ANGPT1: variants seen among roughly 807,000 people sequenced by gnomAD.
ANGPT1 encodes the protein angiopoietin-1.
ANGPT1 carries 17 observed loss-of-function variants against 62.2 expected under a neutral mutation model. The observed-to-expected ratio is 0.27, with a 90% CI of 0.19 to 0.41. The LOEUF is 0.41. ANGPT1 is among the 10% of genes least tolerant of loss of function. The pLI, the probability that ANGPT1 is intolerant of heterozygous loss-of-function variation, is 1.00. For synonymous variants in ANGPT1, 199 were observed against 198.9 expected (o/e 1.00, Z 0.00); for missense variants, 478 against 594.9 (o/e 0.80, Z 2.04).
chr8:107,467,709 C>T (rs372576400), intron 1 of ANGPT1, among the ~76,000 whole-genome samples: 6 of 152,094 alleles, frequency 3.9e-5, no homozygotes, highest in African/African-American at 1.4e-4. Flanking sequence ...AAATTGACCA[C>T]ACAATGGCAA....
chr8:107,366,019 T>C (rs1312082459), intron 1 of ANGPT1, among the ~76,000 whole-genome samples: 2 of 152,228 alleles, frequency 1.3e-5, no homozygotes, highest in Non-Finnish European at 1.5e-5. Flanking sequence ...TTTATTTCAT[T>C]TGTACAAAAA....
intron 1 of ANGPT1, among the ~76,000 whole-genome samples, chr8:107,409,059 CA>C (rs140983311): frequency 0.14 from 21,705 of 152,138 alleles, 1,798 homozygotes; most frequent in South Asian, 0.2. Flanking sequence ...TGATCATAGA[CA>C]AAGCTTATTT....
Position 107,312,063 on chromosome 8 carries a change from C to CAAAA in ANGPT1, c.809-8700_809-8697dup, listed in dbSNP as rs927603600. Among the ~76,000 whole-genome samples, 7 of 71,084 alleles carry CAAAA rather than the reference C, an allele frequency of 9.8e-5. No individual in the cohort carries two copies. In the South Asian group the frequency reaches 3.1e-3, roughly 32 times the overall value. 46.6% of individuals were successfully genotyped at this position (71,084 alleles called of 152,430 possible). On this transcript the variant is annotated intron_variant, in intron 4 of 8. Transcript: ENST00000517746. ...TGGGCGACAGAGCGAGACTCCGTTT[C>CAAAA]AAAAAAAAAAAAAAAAAAAGAATGG...
intron 1 of ANGPT1, among the ~76,000 whole-genome samples, chr8:107,388,349 A>G (rs1308571221): frequency 6.6e-6 from 1 of 152,134 alleles, no homozygotes; most frequent in African/African-American, 2.4e-5. Flanking sequence ...CAAGAATTTT[A>G]GGTCATAGTG....
At chr8:107,457,856 A>C (rs906182935) in intron 1 of ANGPT1, among the ~76,000 whole-genome samples, 4 of 144,998 alleles carry the variant, frequency 2.8e-5, no homozygotes, top group Non-Finnish European at 5.9e-5. Context: ...ACACACACAC[A>C]CACACACACA....
intron 4 of ANGPT1, among the ~76,000 whole-genome samples, chr8:107,317,790 C>T (rs528985200): frequency 7.2e-4 from 109 of 152,052 alleles, no homozygotes; most frequent in Middle Eastern, 6.8e-3. Flanking sequence ...GCCACCATGC[C>T]CAGCTAATTT....
chr8:107,292,261 C>T (rs1258307770), intron 6 of ANGPT1, among the ~76,000 whole-genome samples: 2 of 152,134 alleles, frequency 1.3e-5, no homozygotes, highest in Non-Finnish European at 2.9e-5. Flanking sequence ...CTAAATTCCT[C>T]CCATCCTGCT....
At chr8:107,271,902 GGT>G (rs1486615725) in intron 7 of ANGPT1, among the ~76,000 whole-genome samples, 1 of 89,450 alleles carries the variant, frequency 1.1e-5, no homozygotes, top group East Asian at 3.1e-4. Flanking sequence ...AATTGATACT[GGT>G]AAAAAAAAAA....
At chr8:107,446,520 A>T (rs1253103527) in intron 1 of ANGPT1, among the ~76,000 whole-genome samples, 1 of 152,144 alleles carries the variant, frequency 6.6e-6, no homozygotes. Flanking sequence ...TTGACATTGG[A>T]ATTTGGCCTA....
chr8:107,478,851 A>G (rs1413521557), intron 1 of ANGPT1, among the ~76,000 whole-genome samples: 2 of 152,136 alleles, frequency 1.3e-5, no homozygotes, highest in Non-Finnish European at 1.5e-5. Flanking sequence ...GAAATAAAAT[A>G]ATATCCTAAA....
rs539402208 is a variant in ANGPT1, at chr8:107,432,618, C to T, written c.297+64644G>A. 1.4e-3 allele frequency among the ~76,000 whole-genome samples: 202 copies of T among 148,630 alleles called. 1 individual carries two copies. The highest frequency in any genetic ancestry group is 4.8e-3 in the African/African-American group (193 of 40,122). Reference sequence around the variant, plus strand: ...GGCAGAGCTTGCAGTGAGCCGAGATCGAGCCACTGCACTCCAGCCTGGGCA... The same window carrying T: ...GGCAGAGCTTGCAGTGAGCCGAGATTGAGCCACTGCACTCCAGCCTGGGCA... On this transcript the variant is annotated intron_variant, in intron 1 of 8. Transcript: ENST00000517746.
chr8:107,282,224 G>A (rs553154898), intron 7 of ANGPT1, among the ~76,000 whole-genome samples: 13 of 151,762 alleles, frequency 8.6e-5, no homozygotes, highest in South Asian at 8.3e-4. Context: ...AACGTGAATC[G>A]TATACTTGAA....
At chr8:107,272,009 C>T (rs1813747725) in intron 7 of ANGPT1, among the ~76,000 whole-genome samples, 1 of 151,654 alleles carries the variant, frequency 6.6e-6, no homozygotes, top group Non-Finnish European at 1.5e-5. Context: ...TTAAACCTTC[C>T]ACAATTGGTG....
intron 1 of ANGPT1, among the ~76,000 whole-genome samples, chr8:107,479,623 A>T (rs540958995): frequency 1.6e-4 from 24 of 152,320 alleles, no homozygotes; most frequent in Non-Finnish European, 3.4e-4. Flanking sequence ...AAACATCTGG[A>T]TTCAAACTTA....
intron 1 of ANGPT1, among the ~76,000 whole-genome samples, chr8:107,381,189 A>C (rs1488209596): frequency 1.3e-5 from 2 of 152,198 alleles, no homozygotes; most frequent in Non-Finnish European, 2.9e-5. Flanking sequence ...ATTTCAATGA[A>C]CTTTTTTATC....
chr8:107,267,671 G>A (rs528223658), intron 7 of ANGPT1, among the ~76,000 whole-genome samples: 1 of 151,916 alleles, frequency 6.6e-6, no homozygotes, highest in South Asian at 2.1e-4. Flanking sequence ...CTCTATTCTG[G>A]TTAAAGTTGC....
At chr8:107,293,606 T>C (rs1814336134) in intron 6 of ANGPT1, among the ~76,000 whole-genome samples, 1 of 152,246 alleles carries the variant, frequency 6.6e-6, no homozygotes, top group Admixed American at 6.5e-5. Flanking sequence ...CCTGCAACCC[T>C]GCACAGCTCC....
In ANGPT1 at chr8:107,457,864, A is replaced by C. The variant is rs769457819; in HGVS notation, c.297+39398T>G. The stretch of plus-strand genomic sequence containing the variant: ...CACACACACACACACACACACACAC[A>C]CACCAAGAGGGGAAAAAAATACCTA... On this transcript the variant is annotated intron_variant, in intron 1 of 8. Coordinates refer to ENST00000517746, the MANE Select transcript of ANGPT1 (RefSeq NM_001146.5). Among the ~76,000 whole-genome samples the C allele has an allele frequency of 1.6e-3, 156 of 96,892 alleles. 1 individual carries two copies. The highest frequency in any genetic ancestry group is 4.2e-3 in the Admixed American group (46 of 11,070). 63.6% of individuals were successfully genotyped at this position (96,892 alleles called of 152,430 possible).
At chr8:107,275,550 G>A (rs1451646976) in intron 7 of ANGPT1, among the ~76,000 whole-genome samples, 1 of 152,154 alleles carries the variant, frequency 6.6e-6, no homozygotes, top group Non-Finnish European at 1.5e-5. Context: ...TGAACTGACT[G>A]TGTTCGTGGC....
Sources: allele counts gnomAD v4.1 joint callset (sites outside exome capture counted in the v4.1 genomes callset), GRCh38; gene constraint gnomAD v4.1.1; transcripts MANE v1.5; gene names NCBI Gene and HGNC (gene_info 2026-07-23, HGNC 2026-07-21).